Variants in RUFY1 observed in about 807,000 individuals in gnomAD.
The protein encoded by RUFY1 is RUN and FYVE domain-containing protein 1.
RUFY1 carries 54 observed loss-of-function variants against 94.6 expected under a neutral mutation model. The observed-to-expected ratio is 0.57, with a 90% CI of 0.46 to 0.72. The LOEUF is 0.72. Ranked by LOEUF, RUFY1 falls within the 30% of genes least tolerant of loss-of-function variation. The pLI, the probability that RUFY1 is intolerant of heterozygous loss-of-function variation, is 0.00. For synonymous variants in RUFY1, 396 were observed against 347.3 expected (o/e 1.14, Z -1.56); for missense variants, 883 against 883.9 (o/e 1.00, Z 0.01).
chr5:179,593,295 C>G (rs1765261675), intron 10 of RUFY1, among the ~76,000 whole-genome samples, 183 bp from the exon 11 acceptor site: 2 of 151,908 alleles, frequency 1.3e-5, no homozygotes, highest in Admixed American at 6.6e-5. Context: ...CCAGGCTGCT[C>G]TCGAACTCCT....
chr5:179,553,332 G>C (rs981404256), intron 1 of RUFY1, among the ~76,000 whole-genome samples: 6 of 152,228 alleles, frequency 3.9e-5, no homozygotes, highest in African/African-American at 1.4e-4. Context: ...TCTGACTTCT[G>C]TGCTCTGCTC....
chr5:179,551,600 TC>T (rs1451845493), intron 1 of RUFY1, among the ~76,000 whole-genome samples: 5 of 150,906 alleles, frequency 3.3e-5, no homozygotes, highest in Admixed American at 2.0e-4. Context: ...CAAGCGATCC[TC>T]CCTCCCGCCT....
chr5:179,598,895 CCT>C, intron 14 of RUFY1, 74 bp downstream of exon 14: 1 of 1,559,764 alleles, frequency 6.4e-7, no homozygotes, highest in Non-Finnish European at 8.8e-7. Context: ...CGGGCAGGCT[CCT>C]CTCCCCGCAC....
At chr5:179,553,468 C>A (rs1265072685) in intron 1 of RUFY1, among the ~76,000 whole-genome samples, 1 of 152,018 alleles carries the variant, frequency 6.6e-6, no homozygotes, top group African/African-American at 2.4e-5. Flanking sequence ...TGCAAAATGT[C>A]TATATATATA....
intron 1 of RUFY1, among the ~76,000 whole-genome samples, chr5:179,555,424 A>G (rs549114532): frequency 2.6e-5 from 4 of 152,094 alleles, no homozygotes; most frequent in Non-Finnish European, 4.4e-5. Context: ...TAGAACCGCT[A>G]AAAGATCGTT....
chr5:179,564,628 G>A (rs563362630), intron 3 of RUFY1, among the ~76,000 whole-genome samples: 69 of 149,472 alleles, frequency 4.6e-4, no homozygotes, highest in African/African-American at 1.4e-3. Context: ...CAGAGATCAC[G>A]CCACCACTCC....
At chr5:179,552,941 CACA>C (rs1345664600) in intron 1 of RUFY1, among the ~76,000 whole-genome samples, 2 of 152,258 alleles carry the variant, frequency 1.3e-5, no homozygotes, top group African/African-American at 4.8e-5. Flanking sequence ...ATTCATTCCT[CACA>C]ACAACCCTAT....
chr5:179,554,240 T>A (rs10479542), intron 1 of RUFY1, among the ~76,000 whole-genome samples: 60,478 of 152,092 alleles, frequency 0.4, 12,415 homozygotes, highest in East Asian at 0.69. Flanking sequence ...AATACTTGTT[T>A]TAAAATGTTG....
At chr5:179,578,258 G>A (rs1375313608) in intron 6 of RUFY1, among the ~76,000 whole-genome samples, 1 of 152,210 alleles carries the variant, frequency 6.6e-6, no homozygotes, top group Admixed American at 6.5e-5. Flanking sequence ...CTGTCGCCCA[G>A]GCTGGAGTGC....
At position 179,569,864 on chromosome 5, in the gene RUFY1, C is replaced by G. The variant is rs1371024165; in HGVS notation, c.828+439C>G. 2.6e-5 allele frequency among the ~76,000 whole-genome samples: 4 copies of G among 152,156 alleles called. No individual in the cohort carries two copies. The South Asian group carries it at 8.3e-4, about 32-fold the overall frequency. On this transcript the variant is annotated intron_variant, in intron 5 of 17. Coordinates refer to ENST00000319449, the MANE Select transcript of RUFY1 (RefSeq NM_025158.5). ...GGTTCACACCATTCTCCTGCCTCAG[C>G]CTCCCGAGTAGCTGGGACCACAGGT... is the stretch of plus-strand genomic sequence containing the variant.
intron 17 of RUFY1, chr5:179,608,548 AGAAC>A: frequency 1.0e-6 from 1 of 985,530 alleles, no homozygotes; most frequent in Non-Finnish European, 1.2e-6. Context: ...TGCAGCAAAG[AGAAC>A]GAACCAGACT....
rs191712472 is a variant in RUFY1, at chr5:179,555,019, T to A, written c.310+4140T>A. On this transcript the variant is annotated intron_variant, in intron 1 of 17. Coordinates refer to ENST00000319449, the MANE Select transcript of RUFY1 (RefSeq NM_025158.5). ...CCTCCTTCCCAGAAATTTTCCCCAGTACTATTGTATCTTTGAGAGTTTCCG... is the reference window on the plus strand; with the variant it reads ...CCTCCTTCCCAGAAATTTTCCCCAGAACTATTGTATCTTTGAGAGTTTCCG... Among the ~76,000 whole-genome samples the A allele has an allele frequency of 3.5e-3, 529 of 151,964 alleles. 2 individuals are homozygous for A. The highest frequency in any genetic ancestry group is 5.9e-3 in the Non-Finnish European group (398 of 67,990).
At chr5:179,573,220 A>G (rs1207303491) in intron 5 of RUFY1, among the ~76,000 whole-genome samples, 1 of 152,156 alleles carries the variant, frequency 6.6e-6, no homozygotes, top group Non-Finnish European at 1.5e-5. Flanking sequence ...TCTGTTTCAA[A>G]TATTTCTGGG....
intron 4 of RUFY1, 135 bp downstream of exon 4, chr5:179,567,697 C>T: frequency 1.7e-6 from 1 of 585,956 alleles, no homozygotes; most frequent in East Asian, 3.1e-5. Flanking sequence ...GTCCGGAGTT[C>T]AAGACCAGCC....
Position 179,578,462 on chromosome 5 carries a change from A to G in RUFY1, c.890+1326A>G, listed in dbSNP as rs148120505. Among the ~76,000 whole-genome samples, 1,385 of 151,418 alleles carry G rather than the reference A, an allele frequency of 9.1e-3. 23 individuals carry two copies. Among genetic ancestry groups the G allele is most frequent in the African/African-American group, 0.03 (1,235 of 41,274 alleles). ...TTGAACTCCTGGCCTCAGGTGATCC[A>G]CCTGCGTCGGCCTCCCAAAGTGCTG... is the stretch of plus-strand genomic sequence containing the variant. On this transcript the variant is annotated intron_variant, in intron 6 of 17. Transcript: ENST00000319449.
chr5:179,576,329 A>G (rs2127533127), intron 5 of RUFY1, among the ~76,000 whole-genome samples: 1 of 152,260 alleles, frequency 6.6e-6, no homozygotes, highest in East Asian at 1.9e-4. Context: ...AGGGATAGAG[A>G]ATTTTCCTGA....
At position 179,577,136 on chromosome 5, in the gene RUFY1, A is replaced by G; in HGVS notation, c.890A>G (p.Glu297Gly). The change falls in exon 6 of 18, where the codon GAG (glutamate) becomes GGG (glycine). Residue 297 changes from glutamate (E) to glycine (G), a missense_variant and splice_region_variant. Transcript: ENST00000319449. ...KDVQDLDGGKEHERITDVLDQ... is the reference protein window; with the variant it reads ...KDVQDLDGGKGHERITDVLDQ... ...GTGCAGGATCTTGATGGTGGCAAGG[A>G]GTAAGTACTGCGTTGTATGTCACTT... 1.1e-6 allele frequency: 1 copy of G among 917,156 alleles called. No individual in the cohort carries two copies. Among genetic ancestry groups the G allele is most frequent in the Non-Finnish European group, 1.7e-6 (1 of 584,754 alleles). 56.8% of individuals were successfully genotyped at this position (917,156 alleles called of 1,614,324 possible). A position where few individuals can be genotyped will look rare whatever the true frequency, so the allele number is the denominator to read the frequency against.
intron 14 of RUFY1, among the ~76,000 whole-genome samples, chr5:179,601,104 CAA>C (rs1363970783): frequency 6.6e-6 from 1 of 152,174 alleles, no homozygotes; most frequent in Non-Finnish European, 1.5e-5. Context: ...TGCCCAGTGT[CAA>C]GAGTAAGCTA....
chr5:179,593,065 A>AGTTT (rs904384740), intron 10 of RUFY1, among the ~76,000 whole-genome samples: 1 of 151,898 alleles, frequency 6.6e-6, no homozygotes, highest in South Asian at 2.1e-4. Flanking sequence ...TCTCACCTTC[A>AGTTT]GTTTGTTTGT....
Sources: gnomAD v4.1 joint callset for allele counts (sites outside exome capture counted in the v4.1 genomes callset) on GRCh38, gnomAD v4.1.1 for gene constraint, MANE v1.5 for transcripts, NCBI Gene and HGNC (gene_info 2026-07-23, HGNC 2026-07-21) for gene names.